PLA2G4E: variants seen among roughly 807,000 people sequenced by gnomAD.
PLA2G4E encodes cytosolic phospholipase A2 epsilon.
Under a neutral mutation model 109.1 loss-of-function variants are expected in PLA2G4E, and 84 were observed. That is an observed-to-expected ratio of 0.77 (90% confidence interval 0.65 to 0.92). PLA2G4E has a LOEUF of 0.92. Among genes scored for constraint, PLA2G4E ranks in the 40% least tolerant of loss-of-function variants. PLA2G4E has a pLI of 0.00. For synonymous variants in PLA2G4E, 469 were observed against 436.1 expected (o/e 1.08, Z -0.94); for missense variants, 1,057 against 1,076.6 (o/e 0.98, Z 0.25).
exon 8 of PLA2G4E, chr15:42,000,180 G>A (rs1205278189): frequency 6.3e-7 from 1 of 1,595,054 alleles, no homozygotes; most frequent in Admixed American, 1.7e-5. Context: ...GAAGCAGGCA[G>A]CGGTTTGGAA....
In PLA2G4E at chr15:41,985,827, C is replaced by T. The variant is rs761648512; in HGVS notation, c.2202+12G>A. ...CTGCAGCCCATGCTCAGGAGGGAGG[C>T]TGCGCACTTGCCTTTGTCTGGGACC... On this transcript the variant is annotated intron_variant, in intron 18 of 19. Coordinates refer to ENST00000399518, the Ensembl canonical transcript of PLA2G4E. 1 of 1,605,338 alleles carries T rather than the reference C, an allele frequency of 6.2e-7. No individual in the cohort carries two copies. The highest frequency in any genetic ancestry group is 1.1e-5 in the South Asian group (1 of 88,944).
chr15:42,039,489 C>T (rs1238419788), intron 1 of PLA2G4E, among the ~76,000 whole-genome samples: 1 of 151,976 alleles, frequency 6.6e-6, no homozygotes, highest in Non-Finnish European at 1.5e-5. Context: ...GAATGAATAT[C>T]TCCAAATAGA....
At chr15:42,037,814 C>T (rs1013440222) in intron 1 of PLA2G4E, among the ~76,000 whole-genome samples, 1 of 152,234 alleles carries the variant, frequency 6.6e-6, no homozygotes, top group Non-Finnish European at 1.5e-5. Flanking sequence ...GCTGTGGAAG[C>T]TGCTTGCGGT....
At chr15:42,011,288 G>A (rs12441360) in intron 2 of PLA2G4E, among the ~76,000 whole-genome samples, 58,131 of 152,216 alleles carry the variant, frequency 0.38, 11,630 homozygotes, top group South Asian at 0.59. Context: ...CTCACACCCC[G>A]TCACCTGCTG....
intron 12 of PLA2G4E, 45 bp downstream of exon 12, chr15:41,995,315 G>A (rs766256144): frequency 4.4e-6 from 7 of 1,592,878 alleles, no homozygotes; most frequent in East Asian, 4.5e-5. Context: ...CAGCCTGTTC[G>A]TGGCTTGCCC....
At chr15:42,010,031 A>G in intron 2 of PLA2G4E, 2 of 437,674 alleles carry the variant, frequency 4.6e-6, no homozygotes, top group Non-Finnish European at 4.6e-6. Flanking sequence ...CTGCAGATAC[A>G]GGTCAGAGGT....
At chr15:42,035,593 T>A (rs1011380695) in intron 1 of PLA2G4E, among the ~76,000 whole-genome samples, 1 of 152,178 alleles carries the variant, frequency 6.6e-6, no homozygotes, top group African/African-American at 2.4e-5. Flanking sequence ...GGAAATCATG[T>A]CATATGCAAA....
At chr15:41,999,413 T>G in intron 10 of PLA2G4E, 111 bp downstream of exon 10, 2 of 780,126 alleles carry the variant, frequency 2.6e-6, no homozygotes, top group South Asian at 3.3e-5. Context: ...TGGAAAGATG[T>G]TCAACATCAT....
At chr15:42,021,949 C>T (rs1205523001) in intron 1 of PLA2G4E, among the ~76,000 whole-genome samples, 1 of 152,212 alleles carries the variant, frequency 6.6e-6, no homozygotes, top group Non-Finnish European at 1.5e-5. Flanking sequence ...TGTGGGAACT[C>T]TTCACGTGCC....
Position 41,986,084 on chromosome 15 carries a change from C to T in PLA2G4E, c.2036-79G>A, listed in dbSNP as rs2068137372. The T allele has an allele frequency of 1.1e-5, 16 of 1,456,828 alleles. No individual in the cohort carries two copies. The South Asian group carries it at 1.2e-4, about 11-fold the overall frequency. 90.2% of individuals were successfully genotyped at this position (1,456,828 alleles called of 1,614,324 possible). A position where few individuals can be genotyped will look rare whatever the true frequency, so the allele number is the denominator to read the frequency against. On this transcript the variant is annotated intron_variant, in intron 17 of 19. Coordinates refer to ENST00000399518, the Ensembl canonical transcript of PLA2G4E. ...GACAGAGGCACTTGGGGGGACGGAGCGCCCTGTCTGGAGCATCCTTCGCCT... is the reference window on the plus strand; with the variant it reads ...GACAGAGGCACTTGGGGGGACGGAGTGCCCTGTCTGGAGCATCCTTCGCCT...
intron 13 of PLA2G4E, among the ~76,000 whole-genome samples, chr15:41,992,487 C>T (rs762152764): frequency 6.6e-6 from 1 of 152,334 alleles, no homozygotes; most frequent in Non-Finnish European, 1.5e-5. Context: ...TCTCAGAGGA[C>T]GTGCTGCCCT....
At chr15:41,996,481 C>T (rs1040639872) in intron 11 of PLA2G4E, among the ~76,000 whole-genome samples, 1 of 152,014 alleles carries the variant, frequency 6.6e-6, no homozygotes, top group Admixed American at 6.6e-5. Context: ...TACAAGTCCT[C>T]CTCGGGCACC....
At chr15:42,047,595 G>A (rs1229624259) in intron 1 of PLA2G4E, among the ~76,000 whole-genome samples, 2 of 152,126 alleles carry the variant, frequency 1.3e-5, no homozygotes, top group South Asian at 2.1e-4. Context: ...AGACCATAGC[G>A]GTGGGTCCTT....
At chr15:42,000,619 C>T (rs765740898) in intron 7 of PLA2G4E, among the ~76,000 whole-genome samples, 2 of 152,198 alleles carry the variant, frequency 1.3e-5, no homozygotes, top group Non-Finnish European at 2.9e-5. Context: ...CGCACACTGT[C>T]GCTTTTGATG....
exon 20 of PLA2G4E, chr15:41,982,472 T>TC (rs2068079493): frequency 6.6e-6 from 1 of 152,186 alleles, no homozygotes; most frequent in Non-Finnish European, 1.5e-5. Context: ...TGGGTGACTC[T>TC]CCAAGAGTTG....
At chr15:42,036,744 G>T (rs1421008750) in intron 1 of PLA2G4E, among the ~76,000 whole-genome samples, 1 of 152,164 alleles carries the variant, frequency 6.6e-6, no homozygotes, top group Non-Finnish European at 1.5e-5. Flanking sequence ...GCGAAGGAGG[G>T]GCGGATGGAG....
exon 12 of PLA2G4E, chr15:41,995,368 C>T: frequency 6.8e-6 from 11 of 1,613,226 alleles, no homozygotes; most frequent in Non-Finnish European, 9.3e-6. Context: ...ACCAGGTGGC[C>T]CCTGATAGAC....
intron 7 of PLA2G4E, among the ~76,000 whole-genome samples, chr15:42,000,788 C>T (rs1032235191): frequency 2.6e-5 from 4 of 152,130 alleles, no homozygotes; most frequent in Non-Finnish European, 5.9e-5. Flanking sequence ...CTGTGGTCTG[C>T]CTAGAGGAAG....
intron 13 of PLA2G4E, among the ~76,000 whole-genome samples, chr15:41,990,960 C>A (rs1325748986): frequency 1.3e-5 from 2 of 151,942 alleles, no homozygotes; most frequent in African/African-American, 4.8e-5. Context: ...GGTGACCAAC[C>A]CTGGTCACCC....
Sources: gnomAD v4.1 joint callset for allele counts (sites outside exome capture counted in the v4.1 genomes callset) on GRCh38, gnomAD v4.1.1 for gene constraint, MANE v1.5 for transcripts, NCBI Gene and HGNC (gene_info 2026-07-23, HGNC 2026-07-21) for gene names.